Variants in DNM1L observed in about 807,000 individuals in gnomAD.
The protein encoded by DNM1L is dynamin-1-like protein.
Under a neutral mutation model 92.8 loss-of-function variants are expected in DNM1L, and 33 were observed. The ratio of observed to expected loss-of-function variants is 0.36; its 90% CI spans 0.27 to 0.48. DNM1L has a LOEUF of 0.48. Ranked by LOEUF, DNM1L falls within the 20% of genes least tolerant of loss-of-function variation. The pLI, the probability that DNM1L is intolerant of heterozygous loss-of-function variation, is 0.99. For missense variants in DNM1L, 485 were observed against 888.8 expected (o/e 0.55, Z 5.78); for synonymous variants, 284 against 305.0 (o/e 0.93, Z 0.72).
intron 8 of DNM1L, among the ~76,000 whole-genome samples, chr12:32,721,124 C>T (rs1427241245): frequency 6.6e-6 from 1 of 152,142 alleles, no homozygotes; most frequent in African/African-American, 2.4e-5. Context: ...TTGTAATTTT[C>T]ACATTATCTA....
In DNM1L at chr12:32,718,531, A is replaced by G. The variant is rs535300579; in HGVS notation, c.620-112A>G. 3.8e-6 allele frequency: 5 copies of G among 1,311,796 alleles called. No individual in the cohort carries two copies. In the South Asian group the frequency reaches 6.0e-5, roughly 16 times the overall value. 81.3% of individuals were successfully genotyped at this position (1,311,796 alleles called of 1,614,324 possible). A position where few individuals can be genotyped will look rare whatever the true frequency, so the allele number is the denominator to read the frequency against. ...GCATTACCAAAATGATGACAGAGGT[A>G]ATACTAAGTGGGATTGTAGATGAGG... On this transcript the variant is annotated intron_variant, in intron 6 of 19. Transcript: ENST00000549701.
rs534052876 is a variant in DNM1L, at chr12:32,717,366, A to T, written c.620-1277A>T. 1.5e-3 allele frequency among the ~76,000 whole-genome samples: 94 copies of T among 63,330 alleles called. 4 individuals carry two copies. The highest frequency in any genetic ancestry group is 3.2e-3 in the African/African-American group (44 of 13,724). The allele number at this position is 63,330 out of a possible 152,430, so 41.5% of individuals were successfully genotyped here. A position where few individuals can be genotyped will look rare whatever the true frequency, so the allele number is the denominator to read the frequency against. ...CTATATATTATATATAGTATATATA[A>T]TATATATACTATATATAATATATAG... On this transcript the variant is annotated intron_variant, in intron 6 of 19. Coordinates refer to ENST00000549701, the MANE Select transcript of DNM1L (RefSeq NM_012062.5).
intron 6 of DNM1L, among the ~76,000 whole-genome samples, chr12:32,718,251 C>T (rs1218422554): frequency 1.3e-5 from 2 of 150,646 alleles, no homozygotes; most frequent in Non-Finnish European, 2.9e-5. Flanking sequence ...AAGCAATTCT[C>T]CTGCTTCAGC....
chr12:32,733,570 T>C (rs1954698134), intron 12 of DNM1L, 145 bp from the exon 13 acceptor site: 8 of 683,202 alleles, frequency 1.2e-5, no homozygotes, highest in Middle Eastern at 4.1e-4. Context: ...GATTTATCAG[T>C]TGGAATATAA....
chr12:32,720,213 C>T (rs1027048798), intron 7 of DNM1L, among the ~76,000 whole-genome samples: 2 of 152,120 alleles, frequency 1.3e-5, no homozygotes, highest in Non-Finnish European at 2.9e-5. Flanking sequence ...AAGGAGGTGG[C>T]CTAACACTGT....
chr12:32,713,762 G>T (rs778737347), intron 6 of DNM1L, among the ~76,000 whole-genome samples: 1 of 152,120 alleles, frequency 6.6e-6, no homozygotes, highest in East Asian at 1.9e-4. Flanking sequence ...GGAGCATTGC[G>T]TGAGGCCAGG....
In DNM1L at chr12:32,688,878, G is replaced by C. The variant is rs138479669; in HGVS notation, c.102+9413G>C. Among the ~76,000 whole-genome samples the C allele has an allele frequency of 3.3e-3, 495 of 152,266 alleles. 4 individuals carry two copies. Among genetic ancestry groups the C allele is most frequent in the African/African-American group, 0.011 (461 of 41,568 alleles). On this transcript the variant is annotated intron_variant, in intron 1 of 19. Transcript: ENST00000549701. ...GGTCTGCAGTATTTTAGAAAGTTTG[G>C]ATTTTGGGTATTAAGTTCATATAAG...
intron 1 of DNM1L, among the ~76,000 whole-genome samples, chr12:32,686,929 TTTTTTTTC>T (rs1248207134): frequency 8.2e-6 from 1 of 122,628 alleles, no homozygotes; most frequent in African/African-American, 4.2e-5. Flanking sequence ...GTAAGAGTTC[TTTTTTTTC>T]TTTTTTTTTT....
chr12:32,687,548 T>C (rs1296517092), intron 1 of DNM1L, among the ~76,000 whole-genome samples: 1 of 152,040 alleles, frequency 6.6e-6, no homozygotes. Context: ...GTTCAAGCGA[T>C]TCTTCTGCCT....
At chr12:32,726,326 T>C in intron 9 of DNM1L, 1 of 1,398,696 alleles carries the variant, frequency 7.1e-7, no homozygotes, top group Non-Finnish European at 1.0e-6. Flanking sequence ...TAAGTAAGAA[T>C]TGTGTTTAGG....
chr12:32,721,720 G>C (rs555811275), intron 8 of DNM1L, among the ~76,000 whole-genome samples: 10 of 151,944 alleles, frequency 6.6e-5, no homozygotes, highest in Non-Finnish European at 1.5e-4. Context: ...ACAGGTTGAG[G>C]GTTCAGTCCC....
intron 9 of DNM1L, among the ~76,000 whole-genome samples, chr12:32,727,773 G>A (rs1416302533): frequency 6.6e-6 from 1 of 152,076 alleles, no homozygotes; most frequent in African/African-American, 2.4e-5. Flanking sequence ...CATTTGTTAG[G>A]CCAGTCTCCT....
intron 9 of DNM1L, chr12:32,725,233 T>G (rs1954056582): frequency 6.6e-6 from 1 of 152,170 alleles, no homozygotes; most frequent in Admixed American, 6.5e-5. Context: ...TAAGACATCT[T>G]GTAAGAACTA....
intron 1 of DNM1L, among the ~76,000 whole-genome samples, chr12:32,698,927 T>A (rs1952581125): frequency 6.6e-6 from 1 of 152,014 alleles, no homozygotes; most frequent in Non-Finnish European, 1.5e-5. Context: ...AGAGGTGGCC[T>A]GAGGGTCTCT....
chr12:32,743,421 G>GTAA lies in DNM1L; in HGVS notation c.*14_*16dup, dbSNP rs1955456530. On this transcript the variant is annotated 3_prime_UTR_variant, in exon 20 of 20. Coordinates refer to ENST00000549701, the MANE Select transcript of DNM1L (RefSeq NM_012062.5). ...ACTCATCTTTGGTGAAGAGAACTAT[G>GTAA]TAATACTGAGACTTTGTTGACTCAA... 1.2e-6 allele frequency: 2 copies of GTAA among 1,613,218 alleles called. No individual in the cohort carries two copies. The highest frequency in any genetic ancestry group is 2.7e-5 in the African/African-American group (2 of 74,744).
At chr12:32,719,518 A>T (rs1413047611) in intron 7 of DNM1L, among the ~76,000 whole-genome samples, 1 of 152,174 alleles carries the variant, frequency 6.6e-6, no homozygotes, top group Non-Finnish European at 1.5e-5. Context: ...TATTAAAGGT[A>T]TCCTAATTTA....
At chr12:32,726,961 T>A in intron 9 of DNM1L, 1 of 730,080 alleles carries the variant, frequency 1.4e-6, no homozygotes, top group East Asian at 2.4e-5. Context: ...AACTTCACTT[T>A]GGTATCTTTC....
chr12:32,688,207 G>A (rs1029576845), intron 1 of DNM1L, among the ~76,000 whole-genome samples: 7 of 152,158 alleles, frequency 4.6e-5, no homozygotes, highest in Non-Finnish European at 1.0e-4. Context: ...TTACAGGCGT[G>A]AGCCACTGTG....
chr12:32,717,332 T>C (rs549305256), intron 6 of DNM1L, among the ~76,000 whole-genome samples: 69 of 67,896 alleles, frequency 1.0e-3, no homozygotes, highest in Non-Finnish European at 1.2e-3. Context: ...ACTATATATT[T>C]TATATATACT....
Sources: gnomAD v4.1 joint callset for allele counts (sites outside exome capture counted in the v4.1 genomes callset) on GRCh38, gnomAD v4.1.1 for gene constraint, MANE v1.5 for transcripts, NCBI Gene and HGNC (gene_info 2026-07-23, HGNC 2026-07-21) for gene names.